Variants in XYLT1 observed in about 807,000 individuals in gnomAD.
XYLT1 encodes beta-D-xylosyltransferase 1.
In XYLT1, 36 loss-of-function variants were observed where a neutral mutation model predicts 91.3. The ratio of observed to expected loss-of-function variants is 0.39; its 90% CI spans 0.30 to 0.52. The LOEUF is 0.52. Among genes scored for constraint, XYLT1 ranks in the 20% least tolerant of loss-of-function variants. The probability of loss-of-function intolerance (pLI) is 0.68; values close to 1 mark genes in which losing one functional copy is unlikely to be tolerated. For missense variants in XYLT1, 1,242 were observed against 1,284.5 expected (o/e 0.97, Z 0.51); for synonymous variants, 588 against 532.0 (o/e 1.11, Z -1.45).
intron 2 of XYLT1, among the ~76,000 whole-genome samples, chr16:17,271,826 C>T (rs959298577): frequency 2.0e-5 from 3 of 152,172 alleles, no homozygotes; most frequent in Non-Finnish European, 4.4e-5. Context: ...ATCCTGTTCC[C>T]ATTCAGAAAC....
In XYLT1 at chr16:17,222,546, T is replaced by C. The variant is rs560546179; in HGVS notation, c.914-21892A>G. ...GGCTTACGCCTGTAATCCCAGCACTTTGGGAGGTGGAGGCGGGTGGATCAC... is the reference window on the plus strand; with the variant it reads ...GGCTTACGCCTGTAATCCCAGCACTCTGGGAGGTGGAGGCGGGTGGATCAC... On this transcript the variant is annotated intron_variant, in intron 3 of 11. Transcript: ENST00000261381. Among the ~76,000 whole-genome samples, 7 of 152,158 alleles carry C rather than the reference T, an allele frequency of 4.6e-5. No homozygotes were observed. The East Asian group carries it at 1.4e-3, about 29-fold the overall frequency.
intron 3 of XYLT1, among the ~76,000 whole-genome samples, chr16:17,200,892 A>C (rs1283321894): frequency 6.6e-6 from 1 of 152,220 alleles, no homozygotes; most frequent in Non-Finnish European, 1.5e-5. Flanking sequence ...GAGGAGCTTA[A>C]AAATGCTGGA....
intron 6 of XYLT1, among the ~76,000 whole-genome samples, chr16:17,148,028 T>C (rs1351550367): frequency 1.3e-5 from 2 of 152,208 alleles, no homozygotes; most frequent in Non-Finnish European, 2.9e-5. Context: ...AAACAGACAT[T>C]GGGTGATCTA....
chr16:17,415,411 C>T (rs780835866), intron 1 of XYLT1, among the ~76,000 whole-genome samples: 1 of 152,110 alleles, frequency 6.6e-6, no homozygotes, highest in Non-Finnish European at 1.5e-5. Flanking sequence ...AAATGGAGGC[C>T]GGGCGCGGTG....
intron 2 of XYLT1, among the ~76,000 whole-genome samples, chr16:17,272,942 C>A (rs2033918653): frequency 6.6e-6 from 1 of 152,126 alleles, no homozygotes. Context: ...CGTGTGGTGG[C>A]ATTTCCAGTT....
At chr16:17,435,371 T>C (rs911141758) in intron 1 of XYLT1, among the ~76,000 whole-genome samples, 3 of 152,164 alleles carry the variant, frequency 2.0e-5, no homozygotes, top group African/African-American at 7.2e-5. Flanking sequence ...GAACCTTCTT[T>C]TACCAAGGCA....
At chr16:17,461,942 T>G (rs1378150076) in intron 1 of XYLT1, among the ~76,000 whole-genome samples, 3 of 152,232 alleles carry the variant, frequency 2.0e-5, no homozygotes, top group African/African-American at 7.2e-5. Flanking sequence ...CATGTCTTTT[T>G]AGTCCTTCCA....
chr16:17,246,731 G>A (rs1401422596), intron 3 of XYLT1, among the ~76,000 whole-genome samples: 1 of 152,184 alleles, frequency 6.6e-6, no homozygotes, highest in Non-Finnish European at 1.5e-5. Flanking sequence ...GTGGGTTCTC[G>A]TGTCCTAGCC....
At position 17,188,125 on chromosome 16, in the gene XYLT1, ACACCT is replaced by A. The variant is rs559033963; in HGVS notation, c.1289+10082_1289+10086del. The stretch of plus-strand genomic sequence containing the variant: ...AAGCTCCTTATGGCTTCCTTCTAGG[ACACCT>A]GCTTCTGCCTGGAGGTTTGGAGAAT... On this transcript the variant is annotated intron_variant, in intron 5 of 11. Transcript: ENST00000261381. 2.0e-3 allele frequency among the ~76,000 whole-genome samples: 308 copies of A among 151,998 alleles called. 1 individual carries two copies. Among genetic ancestry groups the A allele is most frequent in the African/African-American group, 7.2e-3 (299 of 41,468 alleles).
rs190440660 is a variant in XYLT1, at chr16:17,205,358, T to C, written c.914-4704A>G. Among the ~76,000 whole-genome samples the C allele has an allele frequency of 9.8e-5, 15 of 152,366 alleles. No individual in the cohort carries two copies. In the East Asian group the frequency reaches 2.5e-3, roughly 25 times the overall value. On this transcript the variant is annotated intron_variant, in intron 3 of 11. Transcript: ENST00000261381. ...ACTGTTGTGGTGCTGGCAAAGATCATGTTAGCAGTGTCCTGCAATAATGAT... is the reference window on the plus strand; with the variant it reads ...ACTGTTGTGGTGCTGGCAAAGATCACGTTAGCAGTGTCCTGCAATAATGAT...
At chr16:17,183,380 A>G (rs1356394499) in intron 5 of XYLT1, among the ~76,000 whole-genome samples, 1 of 152,198 alleles carries the variant, frequency 6.6e-6, no homozygotes, top group African/African-American at 2.4e-5. Context: ...GATGGGGAAG[A>G]AATGAGTGAG....
chr16:17,183,054 A>G (rs566777914), intron 5 of XYLT1, among the ~76,000 whole-genome samples: 2 of 152,326 alleles, frequency 1.3e-5, no homozygotes, highest in African/African-American at 4.8e-5. Flanking sequence ...CCCTGGGGTC[A>G]ACCACTTACA....
intron 1 of XYLT1, among the ~76,000 whole-genome samples, chr16:17,431,165 C>T (rs926146291): frequency 2.0e-5 from 3 of 152,130 alleles, no homozygotes; most frequent in African/African-American, 4.8e-5. Flanking sequence ...AACACATACA[C>T]GAGTGGGCGT....
chr16:17,460,777 A>G (rs185646626), intron 1 of XYLT1, among the ~76,000 whole-genome samples: 1 of 152,338 alleles, frequency 6.6e-6, no homozygotes, highest in East Asian at 1.9e-4. Context: ...GTCTCACGGC[A>G]TATCCTAATC....
chr16:17,323,680 G>A (rs1052134431), intron 2 of XYLT1, among the ~76,000 whole-genome samples: 4 of 152,114 alleles, frequency 2.6e-5, no homozygotes, highest in Non-Finnish European at 4.4e-5. Context: ...TCACTCCAGA[G>A]CTTACTGCCA....
intron 1 of XYLT1, among the ~76,000 whole-genome samples, chr16:17,394,951 GC>G (rs1170234389): frequency 1.3e-5 from 2 of 152,160 alleles, no homozygotes; most frequent in East Asian, 3.9e-4. Flanking sequence ...TGAGATCCCT[GC>G]CCATCCCCCC....
chr16:17,146,557 T>A (rs1426503037), intron 6 of XYLT1, among the ~76,000 whole-genome samples: 1 of 152,012 alleles, frequency 6.6e-6, no homozygotes. Flanking sequence ...ACTGATGAAA[T>A]TAGCAGAGAA....
chr16:17,228,333 A>T (rs770609039), intron 3 of XYLT1, among the ~76,000 whole-genome samples: 9 of 152,222 alleles, frequency 5.9e-5, no homozygotes, highest in Non-Finnish European at 1.2e-4. Context: ...CAGCATTCAT[A>T]TGATCCTTGT....
At chr16:17,226,432 A>G (rs1389148253) in intron 3 of XYLT1, among the ~76,000 whole-genome samples, 6 of 152,234 alleles carry the variant, frequency 3.9e-5, no homozygotes, top group Admixed American at 2.0e-4. Flanking sequence ...TGCAGTGCCC[A>G]GGAGCATCTC....
Sources: allele counts gnomAD v4.1 joint callset (sites outside exome capture counted in the v4.1 genomes callset), GRCh38; gene constraint gnomAD v4.1.1; transcripts MANE v1.5; gene names NCBI Gene and HGNC (gene_info 2026-07-23, HGNC 2026-07-21).